Variants in EYA1 observed in about 807,000 individuals in gnomAD.
EYA1 encodes protein phosphatase EYA1.
Under a neutral mutation model 82.0 loss-of-function variants are expected in EYA1, and 16 were observed. The ratio of observed to expected loss-of-function variants is 0.20; its 90% CI spans 0.13 to 0.30. EYA1 has a LOEUF of 0.30. Among genes scored for constraint, EYA1 ranks in the 10% least tolerant of loss-of-function variants. The pLI, the probability that EYA1 is intolerant of heterozygous loss-of-function variation, is 1.00. For missense variants in EYA1, 633 were observed against 730.7 expected, an observed-to-expected ratio of 0.87 and a Z score of 1.54; for synonymous variants, 261 against 264.4, an observed-to-expected ratio of 0.99 and a Z score of 0.12.
chr8:71,244,765 GA>G, intron 11 of EYA1, 73 bp from the exon 12 acceptor site: 1 of 909,920 alleles, frequency 1.1e-6, no homozygotes, highest in South Asian at 1.4e-5. Flanking sequence ...TCATTAAGAG[GA>G]AGCAGGCATT....
intron 1 of EYA1, among the ~76,000 whole-genome samples, chr8:71,546,876 A>C (rs1006917787): frequency 1.3e-5 from 2 of 152,106 alleles, no homozygotes; most frequent in African/African-American, 2.4e-5. Flanking sequence ...GAATTTTTTA[A>C]AGAAGCCTTC....
intron 11 of EYA1, among the ~76,000 whole-genome samples, chr8:71,266,619 A>G (rs1218309079): frequency 6.6e-6 from 1 of 152,084 alleles, no homozygotes; most frequent in Non-Finnish European, 1.5e-5. Flanking sequence ...GTGCTCAAAA[A>G]ATGTTTAGGA....
chr8:71,525,176 C>A (rs1025618507), intron 2 of EYA1, among the ~76,000 whole-genome samples: 4 of 152,190 alleles, frequency 2.6e-5, no homozygotes, highest in Non-Finnish European at 4.4e-5. Flanking sequence ...CCAACACAAG[C>A]GTTCCATCGC....
chr8:71,378,267 G>T (rs1313220657), intron 2 of EYA1, among the ~76,000 whole-genome samples: 1 of 152,040 alleles, frequency 6.6e-6, no homozygotes, highest in African/African-American at 2.4e-5. Flanking sequence ...TAGAAGATAT[G>T]ATGTAAGGGA....
At chr8:71,516,015 A>G (rs1812950299) in intron 2 of EYA1, among the ~76,000 whole-genome samples, 1 of 152,198 alleles carries the variant, frequency 6.6e-6, no homozygotes, top group South Asian at 2.1e-4. Flanking sequence ...ATATGTAAAC[A>G]TAATCCCAAT....
chr8:71,239,610 A>G (rs549875762), intron 12 of EYA1, among the ~76,000 whole-genome samples: 1 of 152,200 alleles, frequency 6.6e-6, no homozygotes, highest in Non-Finnish European at 1.5e-5. Flanking sequence ...ATGTGTGTAC[A>G]TATACATAGG....
At chr8:71,279,962 C>G (rs1320450017) in intron 9 of EYA1, among the ~76,000 whole-genome samples, 1 of 152,194 alleles carries the variant, frequency 6.6e-6, no homozygotes, top group Non-Finnish European at 1.5e-5. Flanking sequence ...TCTGTTGCAA[C>G]CATTCCACTC....
chr8:71,226,541 C>T (rs560912369), intron 12 of EYA1, among the ~76,000 whole-genome samples: 1 of 151,180 alleles, frequency 6.6e-6, no homozygotes, highest in Admixed American at 6.6e-5. Flanking sequence ...GAAAGTCTCA[C>T]TTAATGAAAG....
intron 3 of EYA1, among the ~76,000 whole-genome samples, chr8:71,351,924 A>G (rs1437330020): frequency 3.9e-5 from 6 of 152,228 alleles, no homozygotes; most frequent in Non-Finnish European, 2.9e-5. Flanking sequence ...GGCAAAGCCA[A>G]CAACTGTGTA....
intron 2 of EYA1, among the ~76,000 whole-genome samples, chr8:71,447,851 A>G (rs4351446): frequency 0.081 from 12,291 of 152,100 alleles, 618 homozygotes; most frequent in East Asian, 0.21. Flanking sequence ...TCTTGCCCCA[A>G]TGTTGATGGC....
chr8:71,366,157 TAA>T (rs397972386), upstream of EYA1, among the ~76,000 whole-genome samples: 3 of 152,048 alleles, frequency 2.0e-5, no homozygotes, highest in Non-Finnish European at 4.4e-5. Context: ...GATTTTTTTT[TAA>T]ATTATTATTC....
At position 71,412,216 on chromosome 8, in the gene EYA1, C is replaced by G. The variant is rs1402873040; in HGVS notation, c.34-55705G>C. ...GACACAGGAAGGGGAATATCACACT[C>G]TGGGGACTGTGGTGGGGTGGGGGGA... On this transcript the variant is annotated intron_variant, in intron 2 of 18. Transcript: ENST00000643681. Among the ~76,000 whole-genome samples, 144 of 104,814 alleles carry G rather than the reference C, an allele frequency of 1.4e-3. 2 individuals carry two copies. The highest frequency in any genetic ancestry group is 5.2e-3 in the African/African-American group (141 of 26,998). 68.8% of individuals were successfully genotyped at this position (104,814 alleles called of 152,430 possible).
chr8:71,395,849 C>T (rs899267212), intron 2 of EYA1, among the ~76,000 whole-genome samples: 7 of 152,010 alleles, frequency 4.6e-5, no homozygotes, highest in South Asian at 2.1e-4. Flanking sequence ...TTGATTGGAA[C>T]AGTTTCAGAA....
chr8:71,341,275 A>G lies in EYA1; in HGVS notation c.125-7101T>C, dbSNP rs541296500. Reference sequence around the variant, plus strand: ...AAAAGGACCCTTTATAAAGCAACACAATTATGCTGTAGAGGATCACAAAAG... The same window carrying G: ...AAAAGGACCCTTTATAAAGCAACACGATTATGCTGTAGAGGATCACAAAAG... On this transcript the variant is annotated intron_variant, in intron 3 of 17. Coordinates refer to ENST00000340726, the MANE Select transcript of EYA1 (RefSeq NM_000503.6). Among the ~76,000 whole-genome samples, 247 of 152,318 alleles carry G rather than the reference A, an allele frequency of 1.6e-3. 1 individual carries two copies. Among genetic ancestry groups the G allele is most frequent in the African/African-American group, 5.6e-3 (231 of 41,576 alleles).
At chr8:71,470,304 G>T (rs1284195179) in intron 2 of EYA1, among the ~76,000 whole-genome samples, 1 of 151,998 alleles carries the variant, frequency 6.6e-6, no homozygotes, top group Non-Finnish European at 1.5e-5. Context: ...TTTAACCTCT[G>T]AGGCTTAGGG....
chr8:71,356,390 C>G, intron 2 of EYA1, 72 bp downstream of exon 2: 1 of 1,311,600 alleles, frequency 7.6e-7, no homozygotes. Flanking sequence ...AATTAAGAAA[C>G]ACTAGACAAA....
At chr8:71,528,623 G>C (rs1289301403) in intron 2 of EYA1, among the ~76,000 whole-genome samples, 9 of 152,176 alleles carry the variant, frequency 5.9e-5, no homozygotes, top group African/African-American at 2.2e-4. Context: ...CCCTGTGAAT[G>C]TCTGTCCATT....
At chr8:71,305,343 C>A (rs1563432749) in intron 7 of EYA1, among the ~76,000 whole-genome samples, 1 of 142,456 alleles carries the variant, frequency 7.0e-6, no homozygotes, top group East Asian at 2.1e-4. Context: ...ATTTCTCAAT[C>A]AATAAGTTTG....
rs942039235 is a variant in EYA1 at position 71,513,464 on chromosome 8, T to C, written c.33+22280A>G. On this transcript the variant is annotated intron_variant, in intron 2 of 18. Coordinates refer to the EYA1 transcript ENST00000643681. Reference sequence around the variant, plus strand: ...AGTTAAAATAATTCTTTTTTAATTTTTAATTTTTGTAGGTATATAGTAGAT... The same window carrying C: ...AGTTAAAATAATTCTTTTTTAATTTCTAATTTTTGTAGGTATATAGTAGAT... Among the ~76,000 whole-genome samples the C allele has an allele frequency of 1.4e-4, 22 of 152,112 alleles. 1 individual carries two copies. Among genetic ancestry groups the C allele is most frequent in the Non-Finnish European group, 2.9e-5 (2 of 68,000 alleles).
Sources: gnomAD v4.1 joint callset for allele counts (sites outside exome capture counted in the v4.1 genomes callset) on GRCh38, gnomAD v4.1.1 for gene constraint, MANE v1.5 for transcripts, NCBI Gene and HGNC (gene_info 2026-07-23, HGNC 2026-07-21) for gene names.